Variants in ZSWIM9 observed in about 807,000 individuals in gnomAD.
ZSWIM9 encodes the protein zinc finger SWIM-type containing 9, also known as uncharacterized protein ZSWIM9.
Under a neutral mutation model 25.0 loss-of-function variants are expected in ZSWIM9, and 11 were observed. The observed-to-expected ratio is 0.44, with a 90% CI of 0.28 to 0.73. The LOEUF (loss-of-function observed/expected upper bound fraction) is 0.73, where lower values mean the gene tolerates loss of function less well. Ranked by LOEUF, ZSWIM9 falls within the 30% of genes least tolerant of loss-of-function variation. The probability of loss-of-function intolerance (pLI) is 0.16; values close to 1 mark genes in which losing one functional copy is unlikely to be tolerated. For missense variants in ZSWIM9, 1,070 were observed against 1,296.5 expected (o/e 0.83, Z 2.68); for synonymous variants, 562 against 582.1 (o/e 0.97, Z 0.50).
intron 3 of ZSWIM9, among the ~76,000 whole-genome samples, chr19:48,190,239 C>T (rs1040954839): frequency 6.6e-6 from 1 of 151,804 alleles, no homozygotes; most frequent in African/African-American, 2.4e-5. Flanking sequence ...AAGCAATAGT[C>T]CCAACATACT....
In ZSWIM9 at chr19:48,195,710, G is replaced by C; in HGVS notation, c.1646G>C (p.Gly549Ala). 1 of 1,468,070 alleles carries C rather than the reference G, an allele frequency of 6.8e-7. No individual in the cohort carries two copies. Among genetic ancestry groups the C allele is most frequent in the Non-Finnish European group, 9.0e-7 (1 of 1,117,236 alleles). 90.9% of individuals were successfully genotyped at this position (1,468,070 alleles called of 1,614,324 possible). Residue 549 changes from glycine to alanine, a missense_variant, in exon 4 of 4, where the codon GGG (glycine) becomes GCG (alanine). Around this residue, in one of 4 missense-constraint regions of ZSWIM9, gnomAD observed 583 missense variants for 624.7 expected, o/e 0.93. Coordinates refer to ENST00000614654, the MANE Select transcript of ZSWIM9 (RefSeq NM_199341.4). The surrounding 1 kb of genome is among the most constrained non-coding windows in gnomAD (Gnocchi z 5.8). Reference sequence around the variant, plus strand: ...TTGAGAGGGTCGAAGTTAGAGAAAGGGCACCTGAGAGGGCCAGAGATTAGA... The same window carrying C: ...TTGAGAGGGTCGAAGTTAGAGAAAGCGCACCTGAGAGGGCCAGAGATTAGA... ...GVLRGSKLEK[G>A]HLRGPEIRDW... is the part of the protein sequence containing the mutation.
chr19:48,187,494 TA>T (rs1223023768), intron 3 of ZSWIM9, among the ~76,000 whole-genome samples: 5 of 50,276 alleles, frequency 9.9e-5, no homozygotes, highest in African/African-American at 4.4e-4. Context: ...TATTATATTA[TA>T]ATATATTATA....
At chr19:48,187,570 T>A (rs796131757) in intron 3 of ZSWIM9, 6 of 10,372 alleles carry the variant, frequency 5.8e-4, no homozygotes, top group East Asian at 3.3e-3. Flanking sequence ...TATATAATAT[T>A]ATATATATTA....
rs907156236 is a variant in ZSWIM9 at position 48,196,153 on chromosome 19, G to C, written c.2089G>C (p.Ala697Pro). 1.9e-5 allele frequency: 23 copies of C among 1,238,886 alleles called. No individual in the cohort carries two copies. Among genetic ancestry groups the C allele is most frequent in the Admixed American group, 1.7e-4 (4 of 23,900 alleles). The allele number at this position is 1,238,886 out of a possible 1,614,324, so 76.7% of individuals were successfully genotyped here. ...EDERRRGPEI[A>P]EERGARVGVK... The stretch of plus-strand genomic sequence containing the variant: ...TGAGAGGAGGAGAGGGCCAGAGATT[G>C]CAGAGGAGAGGGGAGCGAGGGTGGG... Residue 697 changes from alanine (A) to proline (P), a missense_variant, in exon 4 of 4, where the codon GCA becomes CCA. Ala to Pro is a conservative substitution (Grantham distance 27). Around this residue, in one of 4 missense-constraint regions of ZSWIM9, gnomAD observed 583 missense variants for 624.7 expected, o/e 0.93. Coordinates refer to ENST00000614654, the MANE Select transcript of ZSWIM9 (RefSeq NM_199341.4).
At position 48,194,141 on chromosome 19, in the gene ZSWIM9, T is replaced by TC. The variant is rs1187105129; in HGVS notation, c.589-511dup. ...TCTAAGCTCATTACCACCAGACCAG[T>TC]CATCCTTAAGCATGCATAGGAGTCC... On this transcript the variant is annotated intron_variant, in intron 3 of 3. Transcript: ENST00000614654. The surrounding 1 kb of genome is among the most constrained non-coding windows in gnomAD (Gnocchi z 6.0). 6.6e-6 allele frequency among the ~76,000 whole-genome samples: 1 copy of TC among 152,084 alleles called. No individual in the cohort carries two copies.
intron 2 of ZSWIM9, among the ~76,000 whole-genome samples, chr19:48,177,500 G>A (rs2036905142): frequency 6.6e-6 from 1 of 152,180 alleles, no homozygotes; most frequent in Non-Finnish European, 1.5e-5. Flanking sequence ...ATTTAGCGGG[G>A]GGATGACATT....
intron 3 of ZSWIM9, chr19:48,187,749 C>T (rs1014003232): frequency 2.1e-5 from 3 of 143,848 alleles, no homozygotes; most frequent in Middle Eastern, 6.3e-4. Context: ...ACCAGCCTGG[C>T]CAACATAACG....
chr19:48,182,889 T>C lies in ZSWIM9; in HGVS notation c.588+122T>C. On this transcript the variant is annotated intron_variant, in intron 3 of 3. Coordinates refer to ENST00000614654, the MANE Select transcript of ZSWIM9 (RefSeq NM_199341.4). The surrounding 1 kb of genome is among the most constrained non-coding windows in gnomAD (Gnocchi z 4.6). ...TTCACTCCTTTCCTCCATTCATCCG[T>C]TCATTCATTCAATAAGTACTTACCG... 1.4e-6 allele frequency: 1 copy of C among 739,180 alleles called. No individual in the cohort carries two copies. Among genetic ancestry groups the C allele is most frequent in the Non-Finnish European group, 2.2e-6 (1 of 462,504 alleles). The allele number at this position is 739,180 out of a possible 1,614,324, so 45.8% of individuals were successfully genotyped here.
Position 48,194,518 on chromosome 19 carries a change from G to T in ZSWIM9, c.589-135G>T. On this transcript the variant is annotated intron_variant, in intron 3 of 3. Coordinates refer to ENST00000614654, the MANE Select transcript of ZSWIM9 (RefSeq NM_199341.4). This position sits in a 1 kb window ranked among gnomAD's most constrained non-coding sequence, Gnocchi z 6.0. ...CTGCACTGCCTCCTGCCGGTCAAAA[G>T]AATAAATGCATATGCAGGCAAGAAT... The T allele has an allele frequency of 1.1e-6, 1 of 941,178 alleles. No homozygotes were observed. The highest frequency in any genetic ancestry group is 3.9e-5 in the Admixed American group (1 of 25,658). 58.3% of individuals were successfully genotyped at this position (941,178 alleles called of 1,614,324 possible). A position where few individuals can be genotyped will look rare whatever the true frequency, so the allele number is the denominator to read the frequency against.
At chr19:48,178,632 A>C (rs1471405011) in intron 2 of ZSWIM9, among the ~76,000 whole-genome samples, 1 of 151,596 alleles carries the variant, frequency 6.6e-6, no homozygotes, top group Admixed American at 6.6e-5. Flanking sequence ...GCTGGAGTGC[A>C]GTGGCGCGAT....
chr19:48,191,412 T>C (rs1258927277), intron 3 of ZSWIM9, among the ~76,000 whole-genome samples: 1 of 151,868 alleles, frequency 6.6e-6, no homozygotes, highest in African/African-American at 2.4e-5. Flanking sequence ...ACCATGTTGG[T>C]CAGGCTGGTC....
chr19:48,189,584 A>C (rs2037070616), intron 3 of ZSWIM9: 1 of 154,388 alleles, frequency 6.5e-6, no homozygotes, highest in East Asian at 1.9e-4. Flanking sequence ...ACAAAAAAAA[A>C]AGAATAAGAA....
At chr19:48,173,743 TCTC>T in intron 2 of ZSWIM9, among the ~76,000 whole-genome samples, 1 of 152,132 alleles carries the variant, frequency 6.6e-6, no homozygotes, top group East Asian at 1.9e-4. Flanking sequence ...CTCAAGCAAT[TCTC>T]CTGCCTTAGC....
chr19:48,181,204 C>T (rs543197101), intron 2 of ZSWIM9: 13 of 152,180 alleles, frequency 8.5e-5, no homozygotes, highest in African/African-American at 2.7e-4. Flanking sequence ...CAGAGGTAAC[C>T]AGCACCCAGA....
At chr19:48,184,487 T>A (rs1186878869) in intron 3 of ZSWIM9, among the ~76,000 whole-genome samples, 1 of 152,130 alleles carries the variant, frequency 6.6e-6, no homozygotes. Flanking sequence ...CTCCCTTGTG[T>A]GTGGAAGAGG....
At position 48,196,433 on chromosome 19, in the gene ZSWIM9, C is replaced by T. The variant is rs1473581714; in HGVS notation, c.2369C>T (p.Ala790Val). ...EWAAARSEHL[A>V]AGDGLQEGGE... is the part of the protein sequence containing the mutation. ...GCAGCGGCGAGGAGTGAACACCTGGCTGCAGGTGACGGCCTGCAGGAAGGA... is the reference window on the plus strand; with the variant it reads ...GCAGCGGCGAGGAGTGAACACCTGGTTGCAGGTGACGGCCTGCAGGAAGGA... Residue 790 changes from alanine (A) to valine (V), a missense_variant, in exon 4 of 4, where the codon GCT becomes GTT. Physicochemically the swap from Ala to Val is moderately conservative, Grantham distance 64. Coordinates refer to ENST00000614654, the MANE Select transcript of ZSWIM9 (RefSeq NM_199341.4). 2.4e-6 allele frequency: 3 copies of T among 1,232,346 alleles called. No individual in the cohort carries two copies. The highest frequency in any genetic ancestry group is 3.1e-5 in the African/African-American group (2 of 64,358). 76.3% of individuals were successfully genotyped at this position (1,232,346 alleles called of 1,614,324 possible).
intron 2 of ZSWIM9, among the ~76,000 whole-genome samples, chr19:48,173,049 T>G (rs1239164332): frequency 6.6e-6 from 1 of 152,134 alleles, no homozygotes; most frequent in African/African-American, 2.4e-5. Context: ...ATCCATCTAT[T>G]CAGTGAATAA....
chr19:48,188,448 C>T (rs941074350), intron 3 of ZSWIM9, among the ~76,000 whole-genome samples: 2 of 151,892 alleles, frequency 1.3e-5, no homozygotes, highest in African/African-American at 2.4e-5. Flanking sequence ...AGAATGGTCT[C>T]GATCTCCTGG....
chr19:48,194,703 C>T lies in ZSWIM9; in HGVS notation c.639C>T (p.Phe213=). 6.5e-7 allele frequency: 1 copy of T among 1,527,558 alleles called. No homozygotes were observed. Among genetic ancestry groups the T allele is most frequent in the Admixed American group, 2.0e-5 (1 of 49,594 alleles). The allele number at this position is 1,527,558 out of a possible 1,614,324, so 94.6% of individuals were successfully genotyped here. A position where few individuals can be genotyped will look rare whatever the true frequency, so the allele number is the denominator to read the frequency against. ...EDQAVVETVF[F]LTSRTRALLR... ...AGGCTGTGGTGGAGACGGTGTTCTTCCTGACGTCGCGCACCAGGGCGCTGC... is the reference window on the plus strand; with the variant it reads ...AGGCTGTGGTGGAGACGGTGTTCTTTCTGACGTCGCGCACCAGGGCGCTGC... The change falls in exon 4 of 4, where the codon TTC becomes TTT. Residue 213 remains phenylalanine, a synonymous_variant. Transcript: ENST00000614654. This position sits in a 1 kb window ranked among gnomAD's most constrained non-coding sequence, Gnocchi z 6.0.
Sources: gnomAD v4.1 joint callset for allele counts (sites outside exome capture counted in the v4.1 genomes callset) on GRCh38, gnomAD v4.1.1 for gene constraint, gnomAD v4.1.1 regional missense constraint, Gnocchi (gnomAD v3.1) non-coding constraint, MANE v1.5 for transcripts, NCBI Gene and HGNC (gene_info 2026-07-23, HGNC 2026-07-21) for gene names.